Variants in ACP2 observed in about 807,000 individuals in gnomAD.
The protein encoded by ACP2 is lysosomal acid phosphatase.
In ACP2, 35 loss-of-function variants were observed where a neutral mutation model predicts 54.7. The ratio of observed to expected loss-of-function variants is 0.64; its 90% confidence interval spans 0.49 to 0.85. The LOEUF is 0.85. ACP2 is among the 40% of genes least tolerant of loss of function. The pLI is 0.00. For synonymous variants in ACP2, 210 were observed against 224.4 expected, an observed-to-expected ratio of 0.94 and a Z score of 0.57; for missense variants, 492 against 565.0, an observed-to-expected ratio of 0.87 and a Z score of 1.31.
chr11:47,242,921 A>T, intron 9 of ACP2, 23 bp from the exon 10 acceptor site: 1 of 1,609,214 alleles, frequency 6.2e-7, no homozygotes, highest in Non-Finnish European at 8.5e-7. Context: ...AGGAGGCAAC[A>T]TGGGAGCTGC....
rs776406407 is a variant in ACP2 at position 47,242,888 on chromosome 11, C to T, written c.973G>A (p.Val325Met). ...LYQEDSGNFS[V>M]EMYFRNESDK... ...CTCTCGTTCCGAAAGTACATCTCCACTGAGAAATTCCTGAGGGTCGACAGG... is the reference window on the plus strand; with the variant it reads ...CTCTCGTTCCGAAAGTACATCTCCATTGAGAAATTCCTGAGGGTCGACAGG... Residue 325 changes from valine (V) to methionine (M), a missense_variant, in exon 10 of 11, where the codon GTG (valine) becomes ATG (methionine). Val to Met is a conservative substitution (Grantham distance 21). Coordinates refer to ENST00000672073, the MANE Select transcript of ACP2 (RefSeq NM_001610.4). 2 of 1,611,912 alleles carry T rather than the reference C, an allele frequency of 1.2e-6. No homozygotes were observed. The highest frequency in any genetic ancestry group is 2.2e-5 in the East Asian group (1 of 44,804).
At chr11:47,247,917 C>G in intron 2 of ACP2, 121 bp downstream of exon 2, 1 of 993,198 alleles carries the variant, frequency 1.0e-6, no homozygotes, top group South Asian at 1.6e-5. Context: ...GTTATGAAAT[C>G]TGGTCAAAGT....
At chr11:47,245,148 T>C in intron 6 of ACP2, 157 bp downstream of exon 6, 2 of 951,900 alleles carry the variant, frequency 2.1e-6, no homozygotes, top group Non-Finnish European at 3.4e-6. Context: ...TGAGGATCTC[T>C]GTCACCCATG....
Position 47,248,120 on chromosome 11 carries a change from C to G in ACP2, c.128G>C (p.Gly43Ala), listed in dbSNP as rs201829219. 9.9e-5 allele frequency: 160 copies of G among 1,609,400 alleles called. No homozygotes were observed. Among genetic ancestry groups the G allele is most frequent in the Non-Finnish European group, 1.3e-4 (158 of 1,178,488 alleles). Residue 43 changes from glycine to alanine, a missense_variant, in exon 2 of 11, where the codon GGA becomes GCA. Physicochemically the swap from Gly to Ala is moderately conservative, Grantham distance 60. Coordinates refer to ENST00000672073, the MANE Select transcript of ACP2 (RefSeq NM_001610.4). ...LRFVTLLYRHGDRSPVKTYPK... is the reference protein window; with the variant it reads ...LRFVTLLYRHADRSPVKTYPK... ...ATATGTCTTCACTGGTGAACGGTCT[C>G]CATGGCGGTACAGCTGAGAGAATAA...
rs1292044978 is a variant in ACP2 at position 47,245,388 on chromosome 11, G to C, written c.556C>G (p.Leu186Val). ...QNESSRNAQF[L>V]DMVANETGLT... The stretch of plus-strand genomic sequence containing the variant: ...CCTGTCTCGTTGGCCACCATGTCCA[G>C]AAATTGCTATGAAAAATGGATCAGG... Residue 186 changes from leucine to valine, a missense_variant, in exon 6 of 11, where the codon CTG (leucine) becomes GTG (valine). Physicochemically the swap from Leu to Val is conservative, Grantham distance 32. Coordinates refer to ENST00000672073, the MANE Select transcript of ACP2 (RefSeq NM_001610.4). The C allele has an allele frequency of 6.2e-7, 1 of 1,614,200 alleles. No individual in the cohort carries two copies. The highest frequency in any genetic ancestry group is 1.1e-5 in the South Asian group (1 of 91,076).
intron 9 of ACP2, 47 bp from the exon 10 acceptor site, chr11:47,242,945 C>G (rs1953929422): frequency 2.5e-6 from 4 of 1,609,724 alleles, no homozygotes; most frequent in Non-Finnish European, 3.4e-6. Context: ...GCCTGCCCAT[C>G]ATGGGGTCCT....
chr11:47,245,945 G>A lies in ACP2; in HGVS notation c.298-111C>T, dbSNP rs534150877. 4 of 1,426,394 alleles carry A rather than the reference G, an allele frequency of 2.8e-6. No individual in the cohort carries two copies. The African/African-American group carries it at 4.3e-5, about 16-fold the overall frequency. The allele number at this position is 1,426,394 out of a possible 1,614,324, so 88.4% of individuals were successfully genotyped here. On this transcript the variant is annotated intron_variant, in intron 3 of 10. Coordinates refer to ENST00000672073, the MANE Select transcript of ACP2 (RefSeq NM_001610.4). Reference sequence around the variant, plus strand: ...GTATGTATGTGTGTGTGTGTGGTGGGAAGTTTTGGTCACCCCAAAGTGGAG... The same window carrying A: ...GTATGTATGTGTGTGTGTGTGGTGGAAAGTTTTGGTCACCCCAAAGTGGAG...
chr11:47,241,336 G>C (rs911314407), intron 10 of ACP2, among the ~76,000 whole-genome samples: 2 of 152,252 alleles, frequency 1.3e-5, no homozygotes, highest in African/African-American at 4.8e-5. Flanking sequence ...TGACCAACAT[G>C]GAGAAACCTC....
intron 10 of ACP2, among the ~76,000 whole-genome samples, chr11:47,240,523 C>G (rs140809523): frequency 1.3e-5 from 2 of 152,136 alleles, no homozygotes; most frequent in East Asian, 3.9e-4. Flanking sequence ...AAACCCATCT[C>G]TACTAAATAA....
chr11:47,243,872 CAT>C (rs1477782842), intron 7 of ACP2, among the ~76,000 whole-genome samples: 6 of 151,898 alleles, frequency 4.0e-5, no homozygotes, highest in African/African-American at 1.2e-4. Flanking sequence ...CGTGGTGGCT[CAT>C]GTGTGTAATC....
chr11:47,247,354 T>C (rs1954180811), intron 3 of ACP2: 1 of 513,308 alleles, frequency 1.9e-6, no homozygotes, highest in African/African-American at 1.9e-5. Flanking sequence ...AGGTACTCAA[T>C]GTCTTGGATG....
chr11:47,244,709 A>G (rs775772331), intron 7 of ACP2, 26 bp downstream of exon 7: 1 of 1,570,204 alleles, frequency 6.4e-7, no homozygotes, highest in Non-Finnish European at 8.7e-7. Context: ...TGAGGAGTAG[A>G]GTGACACGCT....
chr11:47,240,352 C>A, intron 10 of ACP2, 103 bp from the exon 11 acceptor site: 1 of 651,306 alleles, frequency 1.5e-6, no homozygotes, highest in South Asian at 1.8e-5. Flanking sequence ...AAGACAGAGT[C>A]CCTGCTCTCA....
At chr11:47,248,278 G>A in intron 1 of ACP2, 145 bp from the exon 2 acceptor site, 2 of 1,032,012 alleles carry the variant, frequency 1.9e-6, no homozygotes, top group African/African-American at 1.6e-5. Context: ...CTAGGAGTCA[G>A]TCACTTCTTC....
chr11:47,247,767 G>A, intron 2 of ACP2, 40 bp from the exon 3 acceptor site: 2 of 1,597,734 alleles, frequency 1.3e-6, no homozygotes, highest in Non-Finnish European at 1.7e-6. Context: ...CTAGAGGGAA[G>A]GGGTGGCTTC....
chr11:47,245,759 T>G lies in ACP2; in HGVS notation c.373A>C (p.Asn125His). Residue 125 changes from asparagine to histidine, a missense_variant, in exon 4 of 11, where the codon AAC (asparagine) becomes CAC (histidine). Transcript: ENST00000672073. ...EANLAGLFPP[N>H]GMQRFNPNIS... ...TTCGGGTTGAAGCGCTGCATCCCGT[T>G]GGGAGGGAAGAGTCCAGCCAGGTTG... 1 of 1,613,308 alleles carries G rather than the reference T, an allele frequency of 6.2e-7. No individual in the cohort carries two copies. The highest frequency in any genetic ancestry group is 8.5e-7 in the Non-Finnish European group (1 of 1,179,564).
chr11:47,244,583 T>G (rs1308360872), intron 7 of ACP2, 152 bp downstream of exon 7: 12 of 540,812 alleles, frequency 2.2e-5, no homozygotes, highest in Non-Finnish European at 3.5e-5. Context: ...GGTGGGGAAA[T>G]TTGGTGACTA....
intron 4 of ACP2, 23 bp downstream of exon 4, chr11:47,245,659 A>G (rs1591017924): frequency 6.2e-7 from 1 of 1,613,332 alleles, no homozygotes; most frequent in Non-Finnish European, 8.5e-7. Flanking sequence ...TCACCACCCC[A>G]GGGAAGGGCT....
chr11:47,248,485 C>T, intron 1 of ACP2, 191 bp downstream of exon 1: 1 of 1,549,672 alleles, frequency 6.5e-7, no homozygotes, highest in Non-Finnish European at 8.7e-7. Context: ...GCAGACTCAC[C>T]CCGACGTATT....
Sources: gnomAD v4.1 joint callset for allele counts (sites outside exome capture counted in the v4.1 genomes callset) on GRCh38, gnomAD v4.1.1 for gene constraint, MANE v1.5 for transcripts, NCBI Gene and HGNC (gene_info 2026-07-23, HGNC 2026-07-21) for gene names.